Variants in PCDH9 observed in about 807,000 individuals in gnomAD.
PCDH9 encodes the protein protocadherin 9.
In PCDH9, 24 loss-of-function variants were observed where a neutral mutation model predicts 70.6. The observed-to-expected ratio is 0.34, with a 90% CI of 0.25 to 0.48. PCDH9 has a LOEUF of 0.48. PCDH9 is among the 20% of genes least tolerant of loss of function. The pLI, the probability that PCDH9 is intolerant of heterozygous loss-of-function variation, is 0.99. For missense variants in PCDH9, 1,281 were observed against 1,503.6 expected, an observed-to-expected ratio of 0.85 and a Z score of 2.45; for synonymous variants, 562 against 558.5, an observed-to-expected ratio of 1.01 and a Z score of -0.09.
chr13:66,332,685 G>A (rs1038319878), intron 4 of PCDH9, among the ~76,000 whole-genome samples: 1 of 151,946 alleles, frequency 6.6e-6, no homozygotes, highest in Non-Finnish European at 1.5e-5. Context: ...AGCTTCCTAG[G>A]AGAGATGACT....
intron 4 of PCDH9, among the ~76,000 whole-genome samples, chr13:66,613,156 C>T (rs2077313627): frequency 1.3e-5 from 2 of 152,290 alleles, no homozygotes; most frequent in South Asian, 4.1e-4. Context: ...CCCTCCACTT[C>T]CACTCCCTGC....
intron 2 of PCDH9, among the ~76,000 whole-genome samples, chr13:66,975,720 A>G (rs2083606853): frequency 6.6e-6 from 1 of 152,026 alleles, no homozygotes; most frequent in Admixed American, 6.6e-5. Context: ...ATGTGCCAGG[A>G]ACCAGATAAC....
At chr13:66,816,683 G>C (rs1296546202) in intron 3 of PCDH9, among the ~76,000 whole-genome samples, 1 of 152,100 alleles carries the variant, frequency 6.6e-6, no homozygotes, top group Admixed American at 6.6e-5. Flanking sequence ...AGCACTTTGG[G>C]AGGCCAAGGC....
intron 2 of PCDH9, among the ~76,000 whole-genome samples, chr13:67,062,349 G>A (rs953262135): frequency 1.3e-5 from 2 of 152,154 alleles, no homozygotes; most frequent in African/African-American, 2.4e-5. Context: ...GCACAAGCAT[G>A]CTTTGGAGTC....
At chr13:66,544,248 C>A (rs955721721) in intron 4 of PCDH9, among the ~76,000 whole-genome samples, 2 of 152,096 alleles carry the variant, frequency 1.3e-5, no homozygotes, top group Non-Finnish European at 2.9e-5. Flanking sequence ...GGAAAAACTT[C>A]ATAATGAACC....
chr13:66,507,130 C>T (rs905016080), intron 4 of PCDH9, among the ~76,000 whole-genome samples: 19 of 152,248 alleles, frequency 1.2e-4, no homozygotes, highest in African/African-American at 3.9e-4. Flanking sequence ...AACTTTTCCC[C>T]CTGCTGTAAT....
intron 4 of PCDH9, among the ~76,000 whole-genome samples, chr13:66,460,447 A>G (rs1027958855): frequency 6.6e-6 from 1 of 151,840 alleles, no homozygotes; most frequent in African/African-American, 2.4e-5. Flanking sequence ...TAGGAAATCT[A>G]TAATTGTGAA....
At position 67,172,940 on chromosome 13, in the gene PCDH9, AT is replaced by A. The variant is rs1195628010; in HGVS notation, c.3036+52464del. Among the ~76,000 whole-genome samples the A allele has an allele frequency of 3.3e-5, 5 of 151,842 alleles. No homozygotes were observed. The East Asian group carries it at 7.7e-4, about 23-fold the overall frequency. On this transcript the variant is annotated intron_variant, in intron 2 of 4. Transcript: ENST00000377865. ...ATCCAAACATTCAAGAGAAGTTAAC[AT>A]TTTTTAAAGTCTTAAATATTGCAGG...
At chr13:66,687,927 C>G (rs913135113) in intron 3 of PCDH9, among the ~76,000 whole-genome samples, 1 of 152,034 alleles carries the variant, frequency 6.6e-6, no homozygotes, top group Non-Finnish European at 1.5e-5. Flanking sequence ...TTTCTTTTGA[C>G]TTCAAAGTTT....
At chr13:66,555,211 G>T (rs1961676395) in intron 4 of PCDH9, among the ~76,000 whole-genome samples, 1 of 152,036 alleles carries the variant, frequency 6.6e-6, no homozygotes, top group Non-Finnish European at 1.5e-5. Flanking sequence ...TTGTATTTTA[G>T]TTCTGTGCTA....
intron 4 of PCDH9, among the ~76,000 whole-genome samples, chr13:66,486,884 G>A (rs1958953045): frequency 6.6e-6 from 1 of 152,094 alleles, no homozygotes; most frequent in Non-Finnish European, 1.5e-5. Context: ...TGTATCACTG[G>A]AATTGTAGTG....
chr13:66,660,408 TGAAG>T (rs1236556235), intron 3 of PCDH9, among the ~76,000 whole-genome samples: 6 of 152,162 alleles, frequency 3.9e-5, no homozygotes, highest in Admixed American at 3.9e-4. Flanking sequence ...CCTGAGAATA[TGAAG>T]GAAGAAGTAT....
At chr13:66,529,191 C>G (rs1027220077) in intron 4 of PCDH9, among the ~76,000 whole-genome samples, 2 of 152,068 alleles carry the variant, frequency 1.3e-5, no homozygotes, top group African/African-American at 4.8e-5. Context: ...TAGGACAAAT[C>G]AGTGTCAGAT....
chr13:67,017,907 C>T (rs1243668224), intron 2 of PCDH9, among the ~76,000 whole-genome samples: 4 of 152,094 alleles, frequency 2.6e-5, no homozygotes, highest in Admixed American at 2.6e-4. Context: ...TAATTTAGAA[C>T]CAACAGTATA....
In PCDH9 at chr13:66,923,166, GA is replaced by G. The variant is rs2082663996; in HGVS notation, c.3037-19562del. 4.0e-5 allele frequency among the ~76,000 whole-genome samples: 6 copies of G among 151,498 alleles called. No homozygotes were observed. The South Asian group carries it at 1.2e-3, about 32-fold the overall frequency. On this transcript the variant is annotated intron_variant, in intron 2 of 4. Coordinates refer to ENST00000377865, the MANE Select transcript of PCDH9 (RefSeq NM_203487.3). ...TATAGGCTCACCATTTGAATAAGGG[GA>G]AACTGGATAATTAATAATTTAATAA...
At chr13:66,379,667 C>A (rs1197490202) in intron 4 of PCDH9, among the ~76,000 whole-genome samples, 3 of 152,144 alleles carry the variant, frequency 2.0e-5, no homozygotes, top group African/African-American at 7.2e-5. Context: ...CTGTATTACC[C>A]TGGCATTCAT....
intron 3 of PCDH9, among the ~76,000 whole-genome samples, chr13:66,696,246 T>A (rs1291518515): frequency 6.6e-6 from 1 of 152,088 alleles, no homozygotes; most frequent in Non-Finnish European, 1.5e-5. Flanking sequence ...GGAGAAATAA[T>A]TTTCAGTTTC....
chr13:66,543,166 A>C (rs1961038151), intron 4 of PCDH9, among the ~76,000 whole-genome samples: 2 of 152,148 alleles, frequency 1.3e-5, no homozygotes, highest in African/African-American at 4.8e-5. Context: ...AATCAGTTGC[A>C]CGTTAGATGA....
chr13:66,486,398 G>A (rs1056873240), intron 4 of PCDH9, among the ~76,000 whole-genome samples: 3 of 151,954 alleles, frequency 2.0e-5, no homozygotes, highest in Non-Finnish European at 4.4e-5. Flanking sequence ...TCAAGGCTTC[G>A]GTGAGCTGTG....
Sources: gnomAD v4.1 joint callset for allele counts (sites outside exome capture counted in the v4.1 genomes callset) on GRCh38, gnomAD v4.1.1 for gene constraint, MANE v1.5 for transcripts, NCBI Gene and HGNC (gene_info 2026-07-23, HGNC 2026-07-21) for gene names.